Variants in RALGPS2 observed in about 807,000 individuals in gnomAD.
The protein encoded by RALGPS2 is ras-specific guanine nucleotide-releasing factor RalGPS2.
Under a neutral mutation model 86.8 loss-of-function variants are expected in RALGPS2, and 43 were observed. The observed-to-expected ratio is 0.50, with a 90% CI of 0.39 to 0.64. RALGPS2 has a LOEUF of 0.64. Among genes scored for constraint, RALGPS2 ranks in the 30% least tolerant of loss-of-function variants. The pLI is 0.00. For missense variants in RALGPS2, 536 were observed against 694.6 expected (o/e 0.77, Z 2.57); for synonymous variants, 243 against 231.3 (o/e 1.05, Z -0.46).
intron 1 of RALGPS2, among the ~76,000 whole-genome samples, chr1:178,730,873 G>A (rs1012738943): frequency 2.0e-5 from 3 of 151,774 alleles, no homozygotes; most frequent in African/African-American, 7.3e-5. Context: ...AGCTAATTTT[G>A]TATTTTTAGG....
chr1:178,825,099 C>T (rs1486162464), intron 7 of RALGPS2, among the ~76,000 whole-genome samples: 1 of 152,080 alleles, frequency 6.6e-6, no homozygotes, highest in African/African-American at 2.4e-5. Flanking sequence ...TAGGATCCAT[C>T]TACTTAAGAC....
Position 178,808,095 on chromosome 1 carries a change from A to G in RALGPS2, c.264A>G (p.Pro88=). The G allele has an allele frequency of 1.9e-6, 3 of 1,611,152 alleles. No individual in the cohort carries two copies. Among genetic ancestry groups the G allele is most frequent in the Non-Finnish European group, 8.5e-7 (1 of 1,177,810 alleles). Reference sequence around the variant, plus strand: ...AAAAAGAAAAATATAGTTCTGCACCAAATGCAGTTGCCTTCACAAGAAGAT... The same window carrying G: ...AAAAAGAAAAATATAGTTCTGCACCGAATGCAGTTGCCTTCACAAGAAGAT... ...WNKKEKYSSA[P]NAVAFTRRFN... The change falls in exon 5 of 20, where the codon CCA becomes CCG. Residue 88 remains proline (P), a synonymous_variant. Coordinates refer to ENST00000367635, the MANE Select transcript of RALGPS2 (RefSeq NM_152663.5).
chr1:178,902,041 A>G, intron 17 of RALGPS2, 65 bp from the exon 18 acceptor site: 1 of 1,183,880 alleles, frequency 8.4e-7, no homozygotes, highest in Admixed American at 1.7e-5. Context: ...ACTCCCTAAC[A>G]CTGAAGTTTT....
chr1:178,826,225 A>T (rs573885227), intron 7 of RALGPS2, among the ~76,000 whole-genome samples: 1 of 152,366 alleles, frequency 6.6e-6, no homozygotes, highest in Admixed American at 6.5e-5. Context: ...TGTATTCAAC[A>T]TATAATTGCT....
Position 178,916,374 on chromosome 1 carries a change from AAG to A in RALGPS2, c.*20_*21del, listed in dbSNP as rs771886108. 6.3e-7 allele frequency: 1 copy of A among 1,595,442 alleles called. No homozygotes were observed. The highest frequency in any genetic ancestry group is 1.1e-5 in the South Asian group (1 of 90,282). ...CTTTTGAGTAGAAGCCTGAGAAAAA[AAG>A]AGAGGTGAACTGTTGCTTCTACGTG... On this transcript the variant is annotated 3_prime_UTR_variant, in exon 20 of 20. Coordinates refer to ENST00000367635, the MANE Select transcript of RALGPS2 (RefSeq NM_152663.5).
At position 178,747,190 on chromosome 1, in the gene RALGPS2, G is replaced by T. The variant is rs77494992; in HGVS notation, c.-84+21771G>T. On this transcript the variant is annotated intron_variant, in intron 1 of 19. Transcript: ENST00000367635. ...GAGAGAAGGTGCTGGAGCGTCCAGT[G>T]CCTGCACTACGGTGGATCACCACAG... 7.0e-3 allele frequency: 8,087 copies of T among 1,160,064 alleles called. 46 individuals carry two copies. The highest frequency in any genetic ancestry group is 8.5e-3 in the Non-Finnish European group (6,470 of 765,486). 71.9% of individuals were successfully genotyped at this position (1,160,064 alleles called of 1,614,324 possible). A position where few individuals can be genotyped will look rare whatever the true frequency, so the allele number is the denominator to read the frequency against.
intron 1 of RALGPS2, among the ~76,000 whole-genome samples, chr1:178,770,839 T>G (rs1050461318): frequency 1.7e-4 from 21 of 126,582 alleles, no homozygotes; most frequent in Non-Finnish European, 8.0e-5. Context: ...GTTGTTGTTG[T>G]TTTTTTTTTT....
chr1:178,744,064 A>G (rs1047613467), intron 1 of RALGPS2, among the ~76,000 whole-genome samples: 1 of 152,214 alleles, frequency 6.6e-6, no homozygotes, highest in African/African-American at 2.4e-5. Flanking sequence ...AGGTAAGAAG[A>G]CTACACAGAA....
intron 8 of RALGPS2, among the ~76,000 whole-genome samples, chr1:178,847,149 A>G (rs1317315610): frequency 2.0e-5 from 3 of 152,230 alleles, no homozygotes; most frequent in Non-Finnish European, 4.4e-5. Flanking sequence ...AACTCCACTG[A>G]TAAAACTAAA....
chr1:178,920,954 T>G lies in RALGPS2; in HGVS notation c.*4595T>G, dbSNP rs1558187690. On this transcript the variant is annotated 3_prime_UTR_variant, in exon 20 of 20. Transcript: ENST00000367635. ...TACAAGAAAGTAAAAATATCTCTAA[T>G]ATATAAGTTAAAGGAAAGTTAAGAG... 1 of 152,044 alleles carries G rather than the reference T, an allele frequency of 6.6e-6. No homozygotes were observed. Among genetic ancestry groups the G allele is most frequent in the African/African-American group, 2.4e-5 (1 of 41,428 alleles). 9.4% of individuals were successfully genotyped at this position (152,044 alleles called of 1,614,324 possible).
At chr1:178,742,032 A>C (rs1018119629) in intron 1 of RALGPS2, among the ~76,000 whole-genome samples, 2 of 150,106 alleles carry the variant, frequency 1.3e-5, no homozygotes, top group Non-Finnish European at 3.0e-5. Flanking sequence ...GCTACTCAGG[A>C]GGCTGAGGCA....
intron 5 of RALGPS2, among the ~76,000 whole-genome samples, chr1:178,810,305 T>C (rs1260543819): frequency 6.6e-6 from 1 of 152,110 alleles, no homozygotes; most frequent in Non-Finnish European, 1.5e-5. Context: ...GAGAATCACT[T>C]GAGCCTGGGA....
chr1:178,759,971 A>G (rs1368848958), intron 1 of RALGPS2, among the ~76,000 whole-genome samples: 2 of 152,166 alleles, frequency 1.3e-5, no homozygotes, highest in Non-Finnish European at 2.9e-5. Flanking sequence ...TATCAGTCCT[A>G]ATAGTTTTTT....
chr1:178,910,191 A>G (rs1019865045), intron 19 of RALGPS2, among the ~76,000 whole-genome samples: 6 of 152,144 alleles, frequency 3.9e-5, no homozygotes, highest in African/African-American at 1.4e-4. Flanking sequence ...TAGACATAAC[A>G]TCATATAGTC....
At chr1:178,735,725 A>G (rs1363342746) in intron 1 of RALGPS2, among the ~76,000 whole-genome samples, 2 of 150,834 alleles carry the variant, frequency 1.3e-5, no homozygotes, top group Non-Finnish European at 2.9e-5. Flanking sequence ...ATATTTGTAC[A>G]TGTATCTCAA....
intron 4 of RALGPS2, among the ~76,000 whole-genome samples, chr1:178,794,248 C>T (rs968222948): frequency 6.6e-6 from 1 of 152,144 alleles, no homozygotes; most frequent in Non-Finnish European, 1.5e-5. Context: ...TCCAGAGTAG[C>T]TGGGACTACA....
intron 4 of RALGPS2, among the ~76,000 whole-genome samples, chr1:178,794,090 G>A (rs1376146963): frequency 6.6e-6 from 1 of 151,966 alleles, no homozygotes; most frequent in East Asian, 1.9e-4. Flanking sequence ...ATGAAGGTTT[G>A]TTTTCTTTTC....
intron 8 of RALGPS2, among the ~76,000 whole-genome samples, chr1:178,842,784 G>C (rs1341624173): frequency 1.5e-4 from 22 of 149,690 alleles, no homozygotes; most frequent in Non-Finnish European, 3.0e-4. Flanking sequence ...AGAATCTACA[G>C]TGAACTCAAA....
intron 8 of RALGPS2, among the ~76,000 whole-genome samples, chr1:178,839,711 CT>C (rs1341602217): frequency 6.6e-6 from 1 of 152,158 alleles, no homozygotes; most frequent in Non-Finnish European, 1.5e-5. Context: ...AAGACACAGA[CT>C]GGCAAATTGG....
Sources: gnomAD v4.1 joint callset for allele counts (sites outside exome capture counted in the v4.1 genomes callset) on GRCh38, gnomAD v4.1.1 for gene constraint, MANE v1.5 for transcripts, NCBI Gene and HGNC (gene_info 2026-07-23, HGNC 2026-07-21) for gene names.